CTNNA2: variants seen among roughly 807,000 people sequenced by gnomAD.
CTNNA2 encodes the protein catenin alpha-2.
A neutral mutation model predicts 101.0 loss-of-function variants in CTNNA2; 42 were observed. The observed-to-expected ratio is 0.42, with a 90% CI of 0.32 to 0.54. The LOEUF is 0.54. Among genes scored for constraint, CTNNA2 ranks in the 20% least tolerant of loss-of-function variants. The probability of loss-of-function intolerance (pLI) is 0.14; values close to 1 mark genes in which losing one functional copy is unlikely to be tolerated. For synonymous variants in CTNNA2, 450 were observed against 456.4 expected (o/e 0.99, Z 0.18); for missense variants, 871 against 1,223.1 (o/e 0.71, Z 4.29).
intron 7 of CTNNA2, among the ~76,000 whole-genome samples, chr2:80,273,460 C>G (rs1352079053): frequency 6.6e-6 from 1 of 152,142 alleles, no homozygotes; most frequent in East Asian, 1.9e-4. Context: ...AGTTTACTCC[C>G]CACACAGCAT....
At chr2:80,086,307 C>T (rs551837178) in intron 7 of CTNNA2, among the ~76,000 whole-genome samples, 1 of 152,110 alleles carries the variant, frequency 6.6e-6, no homozygotes, top group Non-Finnish European at 1.5e-5. Flanking sequence ...ATAGGAGGAA[C>T]TCAGTTTTGT....
chr2:79,347,569 C>T (rs1215768018), intron 3 of CTNNA2, among the ~76,000 whole-genome samples: 3 of 151,972 alleles, frequency 2.0e-5, no homozygotes, highest in South Asian at 2.1e-4. Context: ...ACCGAACCTG[C>T]GAAAACTCAC....
At chr2:79,499,515 T>C (rs1671296867) in intron 4 of CTNNA2, among the ~76,000 whole-genome samples, 1 of 152,198 alleles carries the variant, frequency 6.6e-6, no homozygotes, top group South Asian at 2.1e-4. Flanking sequence ...ATCGCAATTA[T>C]AATAAAATCC....
chr2:79,641,355 T>C (rs1180338036), intron 1 of CTNNA2, among the ~76,000 whole-genome samples: 1 of 152,208 alleles, frequency 6.6e-6, no homozygotes, highest in African/African-American at 2.4e-5. Context: ...GAAATTCTAA[T>C]TTATAGGCAG....
At chr2:79,817,511 C>G (rs75076977) in intron 3 of CTNNA2, among the ~76,000 whole-genome samples, 4,314 of 151,972 alleles carry the variant, frequency 0.028, 194 homozygotes, top group African/African-American at 0.096. Context: ...TCTGGCAGCA[C>G]TCTAACCACA....
chr2:79,963,686 C>T (rs931742997), intron 7 of CTNNA2, among the ~76,000 whole-genome samples: 3 of 152,156 alleles, frequency 2.0e-5, no homozygotes, highest in Non-Finnish European at 4.4e-5. Flanking sequence ...TGCCAGCCCA[C>T]CCACATTATC....
chr2:79,379,571 C>A (rs1360402546), intron 4 of CTNNA2, among the ~76,000 whole-genome samples: 1 of 152,166 alleles, frequency 6.6e-6, no homozygotes, highest in African/African-American at 2.4e-5. Context: ...ATAGGGGGTT[C>A]TCTAACATAT....
intron 2 of CTNNA2, among the ~76,000 whole-genome samples, chr2:79,221,806 G>T (rs1179164645): frequency 6.6e-6 from 1 of 152,080 alleles, no homozygotes; most frequent in Non-Finnish European, 1.5e-5. Flanking sequence ...GAGAAAAGGT[G>T]CCAGGAAATT....
chr2:79,646,841 G>A (rs1309256055), intron 1 of CTNNA2, among the ~76,000 whole-genome samples: 2 of 152,004 alleles, frequency 1.3e-5, no homozygotes, highest in Non-Finnish European at 2.9e-5. Context: ...AACTTTTCAC[G>A]AAGAAACTCT....
chr2:79,946,562 A>G (rs1424165949), intron 7 of CTNNA2, among the ~76,000 whole-genome samples: 2 of 152,178 alleles, frequency 1.3e-5, no homozygotes, highest in African/African-American at 4.8e-5. Context: ...TAAACACAGC[A>G]AAATTTCAAT....
intron 7 of CTNNA2, among the ~76,000 whole-genome samples, chr2:80,327,823 A>G (rs1471110737): frequency 6.6e-6 from 1 of 152,236 alleles, no homozygotes; most frequent in Non-Finnish European, 1.5e-5. Context: ...CTTTAGATAT[A>G]ACATATGCCC....
intron 2 of CTNNA2, among the ~76,000 whole-genome samples, chr2:79,653,216 G>T (rs1191720295): frequency 6.6e-6 from 1 of 152,124 alleles, no homozygotes; most frequent in Non-Finnish European, 1.5e-5. Context: ...GCCTAGTTCA[G>T]AATTATTTCT....
At chr2:80,614,200 G>T (rs1698672849) in intron 17 of CTNNA2, among the ~76,000 whole-genome samples, 1 of 151,416 alleles carries the variant, frequency 6.6e-6, no homozygotes. Flanking sequence ...TGGATGAGGG[G>T]AGGTGATTGC....
chr2:80,583,919 C>T (rs930567059), intron 14 of CTNNA2, among the ~76,000 whole-genome samples: 1 of 152,076 alleles, frequency 6.6e-6, no homozygotes, highest in African/African-American at 2.4e-5. Context: ...CAGAGCACTC[C>T]TACAAATTCA....
chr2:80,589,156 G>A, intron 14 of CTNNA2, 148 bp from the exon 15 acceptor site: 1 of 764,818 alleles, frequency 1.3e-6, no homozygotes, highest in Admixed American at 2.9e-5. Context: ...GGCCTCCCTG[G>A]AATGGAGAAA....
intron 1 of CTNNA2, among the ~76,000 whole-genome samples, chr2:79,516,648 T>C (rs1420631229): frequency 7.9e-5 from 12 of 152,186 alleles, no homozygotes; most frequent in African/African-American, 2.9e-4. Flanking sequence ...AAGGTTCAGC[T>C]ACCCATGGAG....
At chr2:80,619,649 C>T (rs1439593707) in intron 18 of CTNNA2, among the ~76,000 whole-genome samples, 2 of 151,846 alleles carry the variant, frequency 1.3e-5, no homozygotes, top group East Asian at 3.9e-4. Context: ...GTGGGCCCTT[C>T]TAAAACTGTG....
intron 18 of CTNNA2, among the ~76,000 whole-genome samples, chr2:80,643,122 T>C (rs1372311030): frequency 6.6e-6 from 1 of 152,174 alleles, no homozygotes; most frequent in Non-Finnish European, 1.5e-5. Flanking sequence ...AGCAGAAGTC[T>C]AATTTCCTGT....
At position 79,874,389 on chromosome 2, in the gene CTNNA2, CAA is replaced by C. The variant is rs56849709; in HGVS notation, c.852+58_852+59del. 8.0e-4 allele frequency: 1,026 copies of C among 1,289,940 alleles called. 1 individual carries two copies. The highest frequency in any genetic ancestry group is 3.0e-3 in the East Asian group (122 of 40,358). The allele number at this position is 1,289,940 out of a possible 1,614,324, so 79.9% of individuals were successfully genotyped here. A position where few individuals can be genotyped will look rare whatever the true frequency, so the allele number is the denominator to read the frequency against. On this transcript the variant is annotated intron_variant, in intron 6 of 18. Coordinates refer to ENST00000402739, the MANE Select transcript of CTNNA2 (RefSeq NM_001282597.3). ...ACAGAGGGGTGGGCACTGGTGTTGA[CAA>C]AAAAAAAAAATGTATTGAGGATGAA... is the stretch of plus-strand genomic sequence containing the variant.
Sources: gnomAD v4.1 joint callset for allele counts (sites outside exome capture counted in the v4.1 genomes callset) on GRCh38, gnomAD v4.1.1 for gene constraint, MANE v1.5 for transcripts, NCBI Gene and HGNC (gene_info 2026-07-23, HGNC 2026-07-21) for gene names.